The following ENPP3 variants were observed in gnomAD, a reference collection of about 807,000 sequenced individuals.
The protein encoded by ENPP3 is ectonucleotide pyrophosphatase/phosphodiesterase 3.
A neutral mutation model predicts 117.8 loss-of-function variants in ENPP3; 104 were observed. The observed-to-expected ratio is 0.88, with a 90% CI of 0.75 to 1.04. The LOEUF (loss-of-function observed/expected upper bound fraction) is 1.04. Ranked by LOEUF, ENPP3 falls within the 50% of genes least tolerant of loss-of-function variation. The probability of loss-of-function intolerance (pLI) is 0.00; values close to 1 mark genes in which losing one functional copy is unlikely to be tolerated. For synonymous variants in ENPP3, 380 were observed against 349.9 expected, an observed-to-expected ratio of 1.09 and a Z score of -0.96; for missense variants, 1,026 against 1,051.9, an observed-to-expected ratio of 0.98 and a Z score of 0.34.
intron 7 of ENPP3, among the ~76,000 whole-genome samples, chr6:131,672,420 T>C (rs948043096): frequency 6.6e-6 from 1 of 152,178 alleles, no homozygotes. Context: ...GAAATATGTG[T>C]GTTAGGTAAA....
intron 21 of ENPP3, among the ~76,000 whole-genome samples, chr6:131,734,709 C>G (rs147918352): frequency 6.6e-6 from 1 of 151,576 alleles, no homozygotes; most frequent in East Asian, 2.0e-4. Flanking sequence ...ACAGCCTGGC[C>G]AACATGGTGA....
At chr6:131,654,030 A>G (rs1182615224) in intron 5 of ENPP3, among the ~76,000 whole-genome samples, 3 of 151,940 alleles carry the variant, frequency 2.0e-5, no homozygotes, top group Non-Finnish European at 4.4e-5. Context: ...GTAATGGGAG[A>G]ATGGTGGAAG....
Position 131,730,422 on chromosome 6 carries a change from C to A in ENPP3, c.1954-3166C>A, listed in dbSNP as rs552773578. 2.6e-5 allele frequency among the ~76,000 whole-genome samples: 4 copies of A among 152,190 alleles called. No homozygotes were observed. The East Asian group carries it at 7.7e-4, about 29-fold the overall frequency. On this transcript the variant is annotated intron_variant, in intron 20 of 24. Coordinates refer to ENST00000357639, the MANE Select transcript of ENPP3 (RefSeq NM_005021.5). Reference sequence around the variant, plus strand: ...AAATAAATGGTGAGAACTCATCCAACACATTTAGCACAAACGTCTTCGTAT... The same window carrying A: ...AAATAAATGGTGAGAACTCATCCAAAACATTTAGCACAAACGTCTTCGTAT...
At chr6:131,659,422 C>T (rs964082524) in intron 6 of ENPP3, among the ~76,000 whole-genome samples, 14 of 152,172 alleles carry the variant, frequency 9.2e-5, no homozygotes, top group Non-Finnish European at 4.4e-5. Flanking sequence ...TTTCTTCTCC[C>T]TCCTCCGAGG....
At chr6:131,652,456 A>T (rs1017842250) in intron 3 of ENPP3, 86 bp from the exon 4 acceptor site, 2 of 1,310,662 alleles carry the variant, frequency 1.5e-6, no homozygotes, top group African/African-American at 1.5e-5. Context: ...TGATTGTGTT[A>T]TTATAATATA....
At chr6:131,658,572 C>T (rs1194585724) in intron 6 of ENPP3, 152 bp downstream of exon 6, 24 of 562,542 alleles carry the variant, frequency 4.3e-5, no homozygotes, top group South Asian at 1.8e-4. Flanking sequence ...TACTTTCATT[C>T]GGAAGTATAT....
At position 131,722,360 on chromosome 6, in the gene ENPP3, A is replaced by G. The variant is rs776862530; in HGVS notation, c.1701A>G (p.Pro567=). ...SKFSVCGFAN[P]LPTESLDCFC... ...TTTCTGTTTGTGGCTTTGCTAATCCATTGCCCACAGAGTCTCTTGACTGTT... is the reference window on the plus strand; with the variant it reads ...TTTCTGTTTGTGGCTTTGCTAATCCGTTGCCCACAGAGTCTCTTGACTGTT... Residue 567 remains proline, a synonymous_variant, in exon 18 of 25, where the codon CCA becomes CCG. Coordinates refer to ENST00000357639, the MANE Select transcript of ENPP3 (RefSeq NM_005021.5). The G allele has an allele frequency of 1.2e-6, 2 of 1,614,074 alleles. No homozygotes were observed. Among genetic ancestry groups the G allele is most frequent in the East Asian group, 2.2e-5 (1 of 44,878 alleles).
chr6:131,737,467 G>T, intron 22 of ENPP3, 35 bp downstream of exon 22: 2 of 1,179,380 alleles, frequency 1.7e-6, no homozygotes, highest in African/African-American at 3.1e-5. Context: ...TTTTAAAATA[G>T]TTAAGTGACT....
intron 2 of ENPP3, among the ~76,000 whole-genome samples, chr6:131,644,415 C>T (rs1384199095): frequency 6.6e-6 from 1 of 152,134 alleles, no homozygotes; most frequent in Non-Finnish European, 1.5e-5. Context: ...ATGTCTTAAA[C>T]CAGGGCAGTA....
At chr6:131,678,958 T>TTTCTTTCTTTCTTTCTTTCTTTCTTTCC (rs780684077) in intron 11 of ENPP3, among the ~76,000 whole-genome samples, 7 of 82,966 alleles carry the variant, frequency 8.4e-5, no homozygotes, top group Non-Finnish European at 1.3e-4. Flanking sequence ...TCTTTCTTTC[T>TTTCTTTCTTTCTTTCTTTCTTTCTTTCC]TTCCTTCCTT....
chr6:131,721,070 GA>G (rs952926056), intron 17 of ENPP3, among the ~76,000 whole-genome samples: 21 of 152,026 alleles, frequency 1.4e-4, no homozygotes, highest in Admixed American at 8.5e-4. Flanking sequence ...AAAAACATGG[GA>G]AAAAAGTCCT....
At chr6:131,647,671 A>C (rs189891861) in intron 2 of ENPP3, among the ~76,000 whole-genome samples, 3 of 152,292 alleles carry the variant, frequency 2.0e-5, no homozygotes, top group Non-Finnish European at 4.4e-5. Context: ...AATACTTGAC[A>C]TTATTTCATT....
chr6:131,696,838 C>T (rs888761907), intron 15 of ENPP3, among the ~76,000 whole-genome samples: 3 of 148,676 alleles, frequency 2.0e-5, no homozygotes, highest in Non-Finnish European at 4.4e-5. Context: ...GGCGCGATCT[C>T]GGCTCATTGC....
At position 131,739,125 on chromosome 6, in the gene ENPP3, G is replaced by A. The variant is rs188950604; in HGVS notation, c.2300+962G>A. 1.3e-3 allele frequency among the ~76,000 whole-genome samples: 191 copies of A among 152,284 alleles called. No individual in the cohort carries two copies. The Middle Eastern group carries it at 0.017, about 14-fold the overall frequency. ...CCCAGTTAGAGTTAAGGAAACTGGG[G>A]TTAAACAACTTATCTAAATTCTGCA... On this transcript the variant is annotated intron_variant, in intron 23 of 24. Coordinates refer to ENST00000357639, the MANE Select transcript of ENPP3 (RefSeq NM_005021.5).
At chr6:131,653,858 T>C (rs1314623763) in intron 5 of ENPP3, among the ~76,000 whole-genome samples, 2 of 152,106 alleles carry the variant, frequency 1.3e-5, no homozygotes, top group Non-Finnish European at 2.9e-5. Flanking sequence ...GATGAACACG[T>C]GAGGTGACAC....
intron 6 of ENPP3, among the ~76,000 whole-genome samples, chr6:131,662,065 G>T (rs1430859180): frequency 6.6e-6 from 1 of 152,098 alleles, no homozygotes; most frequent in Non-Finnish European, 1.5e-5. Context: ...ACTTTGAGTT[G>T]ATTTTTGTGT....
In ENPP3 at chr6:131,733,474, T is replaced by C. The variant is rs1780328691; in HGVS notation, c.1954-114T>C. The C allele has an allele frequency of 1.5e-5, 18 of 1,192,148 alleles. No homozygotes were observed. In the South Asian group the frequency reaches 3.1e-4, roughly 20 times the overall value. The allele number at this position is 1,192,148 out of a possible 1,614,324, so 73.8% of individuals were successfully genotyped here. On this transcript the variant is annotated intron_variant, in intron 20 of 24. Coordinates refer to ENST00000357639, the MANE Select transcript of ENPP3 (RefSeq NM_005021.5). ...CATTGCTTGCGTAGACCTGATTCAC[T>C]AAGAAAATAGGAAAAGCTTAAATGA...
At chr6:131,721,102 T>C (rs1780009974) in intron 17 of ENPP3, among the ~76,000 whole-genome samples, 1 of 152,186 alleles carries the variant, frequency 6.6e-6, no homozygotes, top group South Asian at 2.1e-4. Context: ...ACACTTGTTA[T>C]TATACTCAAT....
At chr6:131,740,401 T>A in intron 24 of ENPP3, 21 bp downstream of exon 24, 1 of 1,516,330 alleles carries the variant, frequency 6.6e-7, no homozygotes, top group Non-Finnish European at 8.9e-7. Context: ...TTTGGGAGGG[T>A]CCAGGACCCG....
Sources: allele counts gnomAD v4.1 joint callset (sites outside exome capture counted in the v4.1 genomes callset), GRCh38; gene constraint gnomAD v4.1.1; transcripts MANE v1.5; gene names NCBI Gene and HGNC (gene_info 2026-07-23, HGNC 2026-07-21).